NEGR1: variants seen among roughly 807,000 people sequenced by gnomAD.
NEGR1 encodes the protein neuronal growth regulator 1.
A neutral mutation model predicts 40.9 loss-of-function variants in NEGR1; 10 were observed. The ratio of observed to expected loss-of-function variants is 0.24; its 90% CI spans 0.15 to 0.42. The LOEUF (loss-of-function observed/expected upper bound fraction) is 0.42. Among genes scored for constraint, NEGR1 ranks in the 10% least tolerant of loss-of-function variants. NEGR1 has a pLI of 1.00. For missense variants in NEGR1, 352 were observed against 438.9 expected (o/e 0.80, Z 1.77); for synonymous variants, 185 against 166.8 (o/e 1.11, Z -0.84).
At chr1:72,062,370 T>A (rs1647192851) in intron 1 of NEGR1, among the ~76,000 whole-genome samples, 1 of 151,936 alleles carries the variant, frequency 6.6e-6, no homozygotes, top group Non-Finnish European at 1.5e-5. Flanking sequence ...TGTACTTTTA[T>A]AAGGGTGCCT....
chr1:71,900,925 C>G (rs1415779233), intron 2 of NEGR1, among the ~76,000 whole-genome samples: 1 of 152,140 alleles, frequency 6.6e-6, no homozygotes, highest in Non-Finnish European at 1.5e-5. Flanking sequence ...ATAGAAAATA[C>G]ATCATCACCA....
intron 2 of NEGR1, among the ~76,000 whole-genome samples, chr1:71,861,260 T>C (rs1259054200): frequency 6.6e-6 from 1 of 151,954 alleles, no homozygotes; most frequent in Non-Finnish European, 1.5e-5. Flanking sequence ...CCTGGAGTTG[T>C]CATGAGAATT....
chr1:72,204,512 T>A (rs1653328214), intron 1 of NEGR1, among the ~76,000 whole-genome samples: 2 of 152,168 alleles, frequency 1.3e-5, no homozygotes, highest in Non-Finnish European at 2.9e-5. Context: ...GTTTGAAAAG[T>A]CAAGAATGCT....
intron 3 of NEGR1, among the ~76,000 whole-genome samples, chr1:71,705,838 G>A (rs1012687727): frequency 1.2e-4 from 18 of 151,268 alleles, no homozygotes; most frequent in African/African-American, 2.0e-4. Context: ...GAAAGAAAGA[G>A]AGAGAGAAGG....
intron 6 of NEGR1, among the ~76,000 whole-genome samples, chr1:71,557,630 T>A (rs1570028316): frequency 6.6e-6 from 1 of 151,706 alleles, no homozygotes. Flanking sequence ...GAAACTGCAA[T>A]AATGAAGCTG....
At chr1:71,497,880 A>G (rs992255063) in intron 6 of NEGR1, among the ~76,000 whole-genome samples, 7 of 152,084 alleles carry the variant, frequency 4.6e-5, no homozygotes, top group African/African-American at 1.4e-4. Flanking sequence ...ATGCGAAACT[A>G]TATATCTTCT....
intron 6 of NEGR1, among the ~76,000 whole-genome samples, chr1:71,430,196 T>C (rs895498273): frequency 6.6e-6 from 1 of 152,196 alleles, no homozygotes; most frequent in Non-Finnish European, 1.5e-5. Flanking sequence ...TCTGGCAAAC[T>C]ATGGCCATTA....
At chr1:71,667,163 G>A (rs1397007342) in intron 4 of NEGR1, among the ~76,000 whole-genome samples, 1 of 152,132 alleles carries the variant, frequency 6.6e-6, no homozygotes, top group Non-Finnish European at 1.5e-5. Flanking sequence ...TTTAGCAAAT[G>A]CAAAAATCAC....
chr1:72,277,716 A>T (rs1384507719), intron 1 of NEGR1, among the ~76,000 whole-genome samples: 1 of 152,102 alleles, frequency 6.6e-6, no homozygotes, highest in Non-Finnish European at 1.5e-5. Flanking sequence ...TTTTAAAACT[A>T]TTTCTTCATA....
chr1:72,255,286 A>G (rs1655229614), intron 1 of NEGR1, among the ~76,000 whole-genome samples: 1 of 152,220 alleles, frequency 6.6e-6, no homozygotes. Context: ...AATAGTTGAA[A>G]TAAAAATAAT....
chr1:71,522,362 A>C (rs1429387007), intron 6 of NEGR1, among the ~76,000 whole-genome samples: 2 of 151,964 alleles, frequency 1.3e-5, no homozygotes, highest in Non-Finnish European at 2.9e-5. Flanking sequence ...GAAAGTGGAC[A>C]GTTCCAATTT....
chr1:72,139,716 A>G (rs1202818515), intron 1 of NEGR1, among the ~76,000 whole-genome samples: 3 of 152,106 alleles, frequency 2.0e-5, no homozygotes, highest in Admixed American at 2.0e-4. Context: ...GAAACATGCA[A>G]TTGTAGCAGG....
At chr1:71,871,777 A>C (rs1411733055) in intron 2 of NEGR1, among the ~76,000 whole-genome samples, 2 of 152,202 alleles carry the variant, frequency 1.3e-5, no homozygotes, top group African/African-American at 4.8e-5. Context: ...GTTTCAGAAG[A>C]AACTTAACTC....
At chr1:71,782,360 AT>A (rs1247105868) in intron 2 of NEGR1, among the ~76,000 whole-genome samples, 2 of 152,096 alleles carry the variant, frequency 1.3e-5, no homozygotes, top group African/African-American at 2.4e-5. Flanking sequence ...AGTTTATGGC[AT>A]TTTTTATAGC....
intron 1 of NEGR1, among the ~76,000 whole-genome samples, chr1:71,982,576 A>G (rs1467562388): frequency 6.6e-6 from 1 of 152,188 alleles, no homozygotes; most frequent in Non-Finnish European, 1.5e-5. Context: ...ATTTCCTTCA[A>G]ACAATTCCAC....
intron 1 of NEGR1, among the ~76,000 whole-genome samples, chr1:71,999,632 A>AATAT (rs528857972): frequency 0.014 from 672 of 48,120 alleles, 39 homozygotes; most frequent in Middle Eastern, 0.028. Flanking sequence ...GAGCAAAGCA[A>AATAT]ATATATATAT....
At chr1:71,722,216 T>G (rs941408752) in intron 3 of NEGR1, among the ~76,000 whole-genome samples, 1 of 152,162 alleles carries the variant, frequency 6.6e-6, no homozygotes, top group Admixed American at 6.5e-5. Context: ...GAGATGATGA[T>G]TGTCTCAATT....
intron 1 of NEGR1, among the ~76,000 whole-genome samples, chr1:72,256,959 C>T (rs1185025318): frequency 2.6e-5 from 4 of 152,258 alleles, no homozygotes; most frequent in African/African-American, 9.6e-5. Flanking sequence ...AACACAAACA[C>T]TCATTTAAAC....
Position 72,078,639 on chromosome 1 carries a change from T to A in NEGR1, c.177-143328A>T, listed in dbSNP as rs1347754730. ...TACACTCATATATATATATATATAT[T>A]TATTTATTTTTTTTTTTGAGATGGA... On this transcript the variant is annotated intron_variant, in intron 1 of 6. Transcript: ENST00000357731. Among the ~76,000 whole-genome samples, 368 of 123,592 alleles carry A rather than the reference T, an allele frequency of 3.0e-3. 3 individuals are homozygous for A. Among genetic ancestry groups the A allele is most frequent in the East Asian group, 8.2e-3 (32 of 3,886 alleles). The allele number at this position is 123,592 out of a possible 152,430, so 81.1% of individuals were successfully genotyped here. A position where few individuals can be genotyped will look rare whatever the true frequency, so the allele number is the denominator to read the frequency against.
Sources: allele counts gnomAD v4.1 joint callset (sites outside exome capture counted in the v4.1 genomes callset), GRCh38; gene constraint gnomAD v4.1.1; transcripts MANE v1.5; gene names NCBI Gene and HGNC (gene_info 2026-07-23, HGNC 2026-07-21).